FGF12: variants seen among roughly 807,000 people sequenced by gnomAD.
FGF12 encodes fibroblast growth factor 12, also known as fibroblast growth factor 12B.
Under a neutral mutation model 23.6 loss-of-function variants are expected in FGF12, and 14 were observed. The observed-to-expected ratio is 0.59, with a 90% CI of 0.39 to 0.93. The LOEUF (loss-of-function observed/expected upper bound fraction) is 0.93, where lower values mean the gene tolerates loss of function less well. Among genes scored for constraint, FGF12 ranks in the 40% least tolerant of loss-of-function variants. The pLI, the probability that FGF12 is intolerant of heterozygous loss-of-function variation, is 0.00. For synonymous variants in FGF12, 62 were observed against 77.3 expected, an observed-to-expected ratio of 0.80 and a Z score of 1.04; for missense variants, 175 against 217.8, an observed-to-expected ratio of 0.80 and a Z score of 1.24.
chr3:192,692,548 T>C (rs957363568), intron 2 of FGF12, among the ~76,000 whole-genome samples: 13 of 151,726 alleles, frequency 8.6e-5, no homozygotes, highest in South Asian at 4.2e-4. Flanking sequence ...CTACTAAAAA[T>C]ACAAAAATTA....
At chr3:192,632,212 G>A (rs183368256) in intron 2 of FGF12, among the ~76,000 whole-genome samples, 239 of 152,240 alleles carry the variant, frequency 1.6e-3, no homozygotes, top group African/African-American at 5.7e-3. Context: ...GAGAGGGTGA[G>A]TAGTAATTGA....
intron 2 of FGF12, among the ~76,000 whole-genome samples, chr3:192,585,404 T>C (rs563336285): frequency 6.6e-6 from 1 of 152,302 alleles, no homozygotes; most frequent in African/African-American, 2.4e-5. Context: ...GGGAGCAGTT[T>C]CAGGGATCTC....
chr3:192,378,302 GT>G (rs1419234043), intron 2 of FGF12, among the ~76,000 whole-genome samples: 1 of 149,472 alleles, frequency 6.7e-6, no homozygotes, highest in Non-Finnish European at 1.5e-5. Context: ...TAGAGACAGG[GT>G]TTTTGCCATG....
intron 3 of FGF12, among the ~76,000 whole-genome samples, chr3:192,346,515 T>A (rs575566352): frequency 6.6e-6 from 1 of 152,324 alleles, no homozygotes; most frequent in Admixed American, 6.5e-5. Context: ...CACTTGGTAG[T>A]ACCAGTGACA....
At position 192,567,757 on chromosome 3, in the gene FGF12, C is replaced by CTT. The variant is rs1294390754; in HGVS notation, c.13+159422_13+159423dup. Among the ~76,000 whole-genome samples, 570 of 128,312 alleles carry CTT rather than the reference C, an allele frequency of 4.4e-3. 4 individuals are homozygous for CTT. Among genetic ancestry groups the CTT allele is most frequent in the African/African-American group, 0.015 (521 of 35,336 alleles). 84.2% of individuals were successfully genotyped at this position (128,312 alleles called of 152,430 possible). A position where few individuals can be genotyped will look rare whatever the true frequency, so the allele number is the denominator to read the frequency against. ...TGTCTCTTTCTTTCTTTCTTTCTTTCTTTCTTTCTTTCTTTCTTTCTTTCT... is the reference window on the plus strand; with the variant it reads ...TGTCTCTTTCTTTCTTTCTTTCTTTCTTTTTCTTTCTTTCTTTCTTTCTTTCT... On this transcript the variant is annotated intron_variant, in intron 2 of 5. Coordinates refer to ENST00000445105, the MANE Select transcript of FGF12 (RefSeq NM_004113.6).
chr3:192,494,090 TC>T (rs1723880176), intron 2 of FGF12, among the ~76,000 whole-genome samples: 2 of 152,194 alleles, frequency 1.3e-5, no homozygotes, highest in South Asian at 2.1e-4. Context: ...TGAAATACTT[TC>T]TACTATTTAG....
chr3:192,576,141 T>G (rs1712871935), intron 2 of FGF12, among the ~76,000 whole-genome samples: 1 of 152,220 alleles, frequency 6.6e-6, no homozygotes, highest in South Asian at 2.1e-4. Context: ...CCAGCACATT[T>G]ATGCAGCCCT....
At chr3:192,298,190 T>G (rs1206106626) in intron 4 of FGF12, among the ~76,000 whole-genome samples, 1 of 152,206 alleles carries the variant, frequency 6.6e-6, no homozygotes, top group African/African-American at 2.4e-5. Flanking sequence ...CAATCAATCA[T>G]CATTTGTTGA....
chr3:192,337,515 G>T (rs1269329856), intron 3 of FGF12, among the ~76,000 whole-genome samples: 1 of 152,104 alleles, frequency 6.6e-6, no homozygotes, highest in Admixed American at 6.6e-5. Flanking sequence ...TTAGATATCT[G>T]GACTTTACCA....
chr3:192,673,674 T>C (rs1221891639), intron 2 of FGF12, among the ~76,000 whole-genome samples: 3 of 151,178 alleles, frequency 2.0e-5, no homozygotes, highest in Non-Finnish European at 4.4e-5. Flanking sequence ...CTGCTGATCA[T>C]TATGGCTTCC....
At chr3:192,172,852 G>A (rs1342207962) in intron 4 of FGF12, among the ~76,000 whole-genome samples, 1 of 151,038 alleles carries the variant, frequency 6.6e-6, no homozygotes, top group African/African-American at 2.4e-5. Context: ...AATGTTCATA[G>A]TGACATCATT....
intron 2 of FGF12, among the ~76,000 whole-genome samples, chr3:192,522,572 A>G (rs571825865): frequency 6.6e-6 from 1 of 152,312 alleles, no homozygotes; most frequent in East Asian, 1.9e-4. Flanking sequence ...TAAAAAGCCA[A>G]TTCCCCCTTT....
rs1234433300 is a variant in FGF12 at position 192,141,272 on chromosome 3, C to T, written c.*2737G>A. On this transcript the variant is annotated 3_prime_UTR_variant, in exon 6 of 6. Transcript: ENST00000445105. ...GCCTGAAAAACAAAGTACTTAAACT[C>T]AACCATATTTTTGGATGAAGTTGGA... 2 of 151,194 alleles carry T rather than the reference C, an allele frequency of 1.3e-5. No homozygotes were observed. Among genetic ancestry groups the T allele is most frequent in the Non-Finnish European group, 3.0e-5 (2 of 67,716 alleles). The allele number at this position is 151,194 out of a possible 1,614,324, so 9.4% of individuals were successfully genotyped here.
intron 4 of FGF12, among the ~76,000 whole-genome samples, chr3:192,290,602 T>C (rs1339312061): frequency 6.6e-6 from 1 of 152,162 alleles, no homozygotes; most frequent in Non-Finnish European, 1.5e-5. Context: ...TACCTGACAC[T>C]AACAGAGTAT....
intron 4 of FGF12, among the ~76,000 whole-genome samples, chr3:192,267,494 GT>G (rs1326864374): frequency 6.6e-6 from 1 of 152,080 alleles, no homozygotes; most frequent in Non-Finnish European, 1.5e-5. Context: ...AACAACATTA[GT>G]AGGGGCCAAG....
intron 4 of FGF12, among the ~76,000 whole-genome samples, chr3:192,200,923 G>A: frequency 6.6e-6 from 1 of 151,966 alleles, no homozygotes; most frequent in Non-Finnish European, 1.5e-5. Flanking sequence ...AAAAATGAGT[G>A]AGTAGGCTAC....
intron 2 of FGF12, among the ~76,000 whole-genome samples, chr3:192,625,780 AG>A (rs1715144579): frequency 1.3e-5 from 2 of 152,214 alleles, no homozygotes; most frequent in Admixed American, 1.3e-4. Flanking sequence ...TACATTCAAA[AG>A]GAAAAGGGCA....
intron 2 of FGF12, among the ~76,000 whole-genome samples, chr3:192,724,125 A>C (rs1011352313): frequency 6.6e-6 from 1 of 151,104 alleles, no homozygotes; most frequent in Non-Finnish European, 1.5e-5. Flanking sequence ...GGAAGGAAGG[A>C]AGGAGGAAAG....
chr3:192,517,125 G>A (rs1724691649), intron 2 of FGF12: 1 of 152,156 alleles, frequency 6.6e-6, no homozygotes, highest in Non-Finnish European at 1.5e-5. Flanking sequence ...TTCCCTCGAC[G>A]GCACTTGAGC....
Sources: gnomAD v4.1 joint callset for allele counts (sites outside exome capture counted in the v4.1 genomes callset) on GRCh38, gnomAD v4.1.1 for gene constraint, MANE v1.5 for transcripts, NCBI Gene and HGNC (gene_info 2026-07-23, HGNC 2026-07-21) for gene names.